FAM47E: variants seen among roughly 807,000 people sequenced by gnomAD.
The protein encoded by FAM47E is protein FAM47E.
Under a neutral mutation model 41.6 loss-of-function variants are expected in FAM47E, and 32 were observed. The ratio of observed to expected loss-of-function variants is 0.77; its 90% CI spans 0.58 to 1.03. FAM47E has a LOEUF of 1.03. Ranked by LOEUF, FAM47E falls within the 50% of genes least tolerant of loss-of-function variation. The pLI is 0.00. For synonymous variants in FAM47E, 184 were observed against 188.7 expected, an observed-to-expected ratio of 0.98 and a Z score of 0.20; for missense variants, 424 against 485.4, an observed-to-expected ratio of 0.87 and a Z score of 1.19.
chr4:76,259,983 A>T (rs923885646), intron 2 of FAM47E, among the ~76,000 whole-genome samples: 2 of 152,194 alleles, frequency 1.3e-5, no homozygotes, highest in Non-Finnish European at 2.9e-5. Flanking sequence ...AAAAACTAAA[A>T]TACCTAGGAA....
upstream of FAM47E, among the ~76,000 whole-genome samples, chr4:76,250,827 G>T (rs960309042): frequency 1.3e-5 from 2 of 152,046 alleles, no homozygotes; most frequent in Non-Finnish European, 2.9e-5. Context: ...TACCACCCCC[G>T]GTTCACAGCT....
chr4:76,271,374 A>G (rs1734880281), intron 4 of FAM47E, among the ~76,000 whole-genome samples, 194 bp from the exon 5 acceptor site: 2 of 152,218 alleles, frequency 1.3e-5, no homozygotes, highest in Admixed American at 1.3e-4. Context: ...TGCTTCTTGC[A>G]AAGTCCTAAG....
intron 2 of FAM47E, among the ~76,000 whole-genome samples, chr4:76,245,568 C>T (rs1279099615): frequency 6.6e-6 from 1 of 152,154 alleles, no homozygotes; most frequent in Non-Finnish European, 1.5e-5. Flanking sequence ...CGAACCCAGC[C>T]CCCAGTGCAG....
At chr4:76,263,895 C>G in intron 3 of FAM47E, 52 bp downstream of exon 3, 1 of 1,531,676 alleles carries the variant, frequency 6.5e-7, no homozygotes, top group South Asian at 1.2e-5. Context: ...ATGAAACATT[C>G]TAGGAATTAC....
intron 4 of FAM47E, chr4:76,269,155 T>A (rs1272915154): frequency 5.3e-6 from 1 of 189,054 alleles, no homozygotes; most frequent in Non-Finnish European, 1.1e-5. Flanking sequence ...AGGTACTCCT[T>A]GATTATAATC....
intron 2 of FAM47E, among the ~76,000 whole-genome samples, chr4:76,219,901 G>A (rs1355792862): frequency 6.6e-6 from 1 of 152,266 alleles, no homozygotes; most frequent in Admixed American, 6.5e-5. Context: ...CCTCAGAGAA[G>A]ACTGCTATTC....
At chr4:76,228,509 T>G (rs545359167) in intron 2 of FAM47E, among the ~76,000 whole-genome samples, 1 of 151,942 alleles carries the variant, frequency 6.6e-6, no homozygotes, top group African/African-American at 2.4e-5. Context: ...AGAAAAAAAA[T>G]TTAGAATTCC....
rs1201104930 is a variant in FAM47E at position 76,263,740 on chromosome 4, C to T, written c.457C>T (p.Arg153Trp). The T allele has an allele frequency of 4.5e-6, 7 of 1,551,536 alleles. No individual in the cohort carries two copies. Among genetic ancestry groups the T allele is most frequent in the South Asian group, 3.6e-5 (3 of 84,028 alleles). ...SKVLEVLDPD[R>W]KLEDTWAYCQ... ...GGTGCTGGAAGTGCTTGATCCTGAC[C>T]GGAAGCTGGAGGACACATGGGCTTA... Residue 153 changes from arginine (R) to tryptophan (W), a missense_variant, in exon 3 of 8, where the codon CGG (arginine) becomes TGG (tryptophan). By Grantham distance (101) the Arg-to-Trp change is moderately radical (BLOSUM62 -3). Coordinates refer to ENST00000424749, the MANE Select transcript of FAM47E (RefSeq NM_001136570.3).
In FAM47E at chr4:76,283,738, A is replaced by T. The variant is rs1419093351; in HGVS notation, c.*280A>T. 3.2e-5 allele frequency: 8 copies of T among 247,698 alleles called. No individual in the cohort carries two copies. Among genetic ancestry groups the T allele is most frequent in the Non-Finnish European group, 6.2e-5 (8 of 128,754 alleles). The allele number at this position is 247,698 out of a possible 1,614,324, so 15.3% of individuals were successfully genotyped here. A position where few individuals can be genotyped will look rare whatever the true frequency, so the allele number is the denominator to read the frequency against. On this transcript the variant is annotated 3_prime_UTR_variant, in exon 8 of 8. Transcript: ENST00000424749. ...TGTGGCACGTGAATATTATATAGGT[A>T]TATCAACTATTGGTAAAAATAAATA...
Position 76,283,612 on chromosome 4 carries a change from G to T in FAM47E, c.*154G>T. ...ACATCTGTAAATGTAATACCTGATG[G>T]TTATAAGCATTTCTCAATGGATTTC... On this transcript the variant is annotated 3_prime_UTR_variant, in exon 8 of 8. Coordinates refer to ENST00000424749, the MANE Select transcript of FAM47E (RefSeq NM_001136570.3). The T allele has an allele frequency of 1.1e-5, 6 of 552,456 alleles. No homozygotes were observed. The South Asian group carries it at 1.5e-4, about 14-fold the overall frequency. The allele number at this position is 552,456 out of a possible 1,614,324, so 34.2% of individuals were successfully genotyped here.
At chr4:76,234,745 T>C (rs577910155) in intron 2 of FAM47E, among the ~76,000 whole-genome samples, 13 of 152,164 alleles carry the variant, frequency 8.5e-5, no homozygotes, top group African/African-American at 2.4e-4. Context: ...CCTTTATCTC[T>C]ATGGAAGGAA....
upstream of FAM47E, among the ~76,000 whole-genome samples, chr4:76,247,871 C>T (rs189714320): frequency 6.8e-6 from 1 of 147,978 alleles, no homozygotes; most frequent in African/African-American, 2.5e-5. Context: ...ATATGATGTG[C>T]AAAGATTATC....
upstream of FAM47E, among the ~76,000 whole-genome samples, chr4:76,248,015 C>T (rs992406871): frequency 8.8e-5 from 13 of 146,928 alleles, 1 homozygote; most frequent in African/African-American, 2.8e-4. Flanking sequence ...CCTGGGTCGA[C>T]GCCATTCTCC....
In FAM47E at chr4:76,280,333, A is replaced by G. The variant is rs1468223763; in HGVS notation, c.1096A>G (p.Thr366Ala). The G allele has an allele frequency of 3.9e-6, 6 of 1,544,390 alleles. No individual in the cohort carries two copies. The African/African-American group carries it at 6.9e-5, about 18-fold the overall frequency. The part of the protein sequence containing the change: ...KDFILSRGYR[T>A]PRFLENMYIG... ...TTTCATTCTAAGCAGGGGCTACAGG[A>G]CGCCACGTGTGAGTAAAGGGTCCTT... Residue 366 changes from threonine to alanine, a missense_variant, in exon 7 of 8, where the codon ACG becomes GCG. By Grantham distance (58) the Thr-to-Ala change is moderately conservative (BLOSUM62 0). Coordinates refer to ENST00000424749, the MANE Select transcript of FAM47E (RefSeq NM_001136570.3).
At chr4:76,229,464 G>C (rs899099548) in intron 2 of FAM47E, among the ~76,000 whole-genome samples, 1 of 152,082 alleles carries the variant, frequency 6.6e-6, no homozygotes, top group African/African-American at 2.4e-5. Context: ...TTCTCATTTG[G>C]GTAGACTGTT....
Position 76,283,391 on chromosome 4 carries a change from A to C in FAM47E, c.1115A>C (p.Asn372Thr), listed in dbSNP as rs1735442823. 1.9e-6 allele frequency: 3 copies of C among 1,544,678 alleles called. No homozygotes were observed. The highest frequency in any genetic ancestry group is 3.9e-5 in the Admixed American group (2 of 50,898). Residue 372 changes from asparagine to threonine, a missense_variant, in exon 8 of 8, where the codon AAT becomes ACT. Asn to Thr is a moderately conservative substitution (Grantham distance 65, BLOSUM62 0). Coordinates refer to ENST00000424749, the MANE Select transcript of FAM47E (RefSeq NM_001136570.3). ...CTCATTTTTTTTTAGTTCCTTGAGA[A>C]TATGTATATCGGGAAGGAATGTAAA... Reference protein sequence around the residue: ...RGYRTPRFLENMYIGKECKRA... With the variant: ...RGYRTPRFLETMYIGKECKRA...
chr4:76,272,764 A>G (rs562463080), intron 5 of FAM47E, among the ~76,000 whole-genome samples: 208 of 152,316 alleles, frequency 1.4e-3, no homozygotes, highest in African/African-American at 4.9e-3. Context: ...AAATTGCTCA[A>G]TTCCCTGTAT....
intron 2 of FAM47E, among the ~76,000 whole-genome samples, chr4:76,242,774 T>G (rs1044609524): frequency 2.6e-5 from 4 of 152,244 alleles, no homozygotes; most frequent in African/African-American, 9.6e-5. Context: ...GTTGATTACA[T>G]GTTAAAATCA....
upstream of FAM47E, among the ~76,000 whole-genome samples, chr4:76,249,048 G>A (rs888278724): frequency 2.5e-4 from 38 of 152,188 alleles, no homozygotes; most frequent in African/African-American, 8.4e-4. Context: ...CAAACATGGT[G>A]AAACTCCCAT....
Sources: allele counts gnomAD v4.1 joint callset (sites outside exome capture counted in the v4.1 genomes callset), GRCh38; gene constraint gnomAD v4.1.1; transcripts MANE v1.5; gene names NCBI Gene and HGNC (gene_info 2026-07-23, HGNC 2026-07-21).